Variants in ZNF141 observed in about 807,000 individuals in gnomAD.
ZNF141 encodes the protein zinc finger protein 141.
ZNF141 carries 7 observed loss-of-function variants against 11.3 expected under a neutral mutation model. That is an observed-to-expected ratio of 0.62 (90% confidence interval 0.35 to 1.16). ZNF141 has a LOEUF of 1.16. Ranked by LOEUF, ZNF141 falls within the 50% of genes most tolerant of loss-of-function variation. The pLI, the probability that ZNF141 is intolerant of heterozygous loss-of-function variation, is 0.02. For synonymous variants in ZNF141, 183 were observed against 190.7 expected, an observed-to-expected ratio of 0.96 and a Z score of 0.33; for missense variants, 535 against 554.0, an observed-to-expected ratio of 0.97 and a Z score of 0.34.
chr4:370,820 T>C (rs1406011802), intron 3 of ZNF141, among the ~76,000 whole-genome samples: 1 of 152,094 alleles, frequency 6.6e-6, no homozygotes, highest in East Asian at 1.9e-4. Context: ...AAGCTCCGCC[T>C]CCCAGGTTCA....
chr4:373,929 A>G lies in ZNF141; in HGVS notation c.*67A>G. On this transcript the variant is annotated 3_prime_UTR_variant, in exon 4 of 4. Transcript: ENST00000240499. ...TGATCCACAAACCTTAATGAACATG[A>G]GAAAATTTATACTGTAGAGAAACCC... 7.2e-7 allele frequency: 1 copy of G among 1,386,358 alleles called. No homozygotes were observed. The highest frequency in any genetic ancestry group is 1.4e-5 in the South Asian group (1 of 72,794). The allele number at this position is 1,386,358 out of a possible 1,614,324, so 85.9% of individuals were successfully genotyped here. A position where few individuals can be genotyped will look rare whatever the true frequency, so the allele number is the denominator to read the frequency against.
intron 3 of ZNF141, among the ~76,000 whole-genome samples, chr4:365,429 T>C (rs1203241840): frequency 6.6e-6 from 1 of 152,232 alleles, no homozygotes; most frequent in African/African-American, 2.4e-5. Context: ...AGTCACGCTG[T>C]GAGCTGCAAA....
intron 1 of ZNF141, among the ~76,000 whole-genome samples, chr4:341,072 CTTTTTTT>C (rs34755542): frequency 1.4e-5 from 2 of 142,844 alleles, no homozygotes; most frequent in African/African-American, 5.2e-5. Context: ...AAACATTTTT[CTTTTTTT>C]TTTTTTTGAG....
At chr4:362,247 T>C (rs1300677566) in intron 3 of ZNF141, among the ~76,000 whole-genome samples, 1 of 152,254 alleles carries the variant, frequency 6.6e-6, no homozygotes, top group Admixed American at 6.5e-5. Context: ...CTTGTAAATT[T>C]GTTTGAATTC....
Position 373,169 on chromosome 4 carries a change from G to A in ZNF141, c.732G>A (p.Lys244=), listed in dbSNP as rs781997961. 8.1e-6 allele frequency: 13 copies of A among 1,611,972 alleles called. No individual in the cohort carries two copies. The African/African-American group carries it at 1.3e-4, about 17-fold the overall frequency. The stretch of plus-strand genomic sequence containing the variant: ...TTACCACATCCTCACACTTTGCTAA[G>A]CATAAAATAATTCATACTGGAGAAA... ...SIFTTSSHFA[K]HKIIHTGEKP... is the part of the protein sequence containing the mutation. Residue 244 remains lysine (K), a synonymous_variant, in exon 4 of 4, where the codon AAG becomes AAA. Transcript: ENST00000240499.
rs145598495 is a variant in ZNF141, at chr4:364,920, A to C, written c.227-7744A>C. Among the ~76,000 whole-genome samples, 790 of 152,342 alleles carry C rather than the reference A, an allele frequency of 5.2e-3. 5 individuals carry two copies. The highest frequency in any genetic ancestry group is 0.018 in the African/African-American group (746 of 41,578). On this transcript the variant is annotated intron_variant, in intron 3 of 3. Coordinates refer to ENST00000240499, the MANE Select transcript of ZNF141 (RefSeq NM_003441.4). ...AGTTTCTGCTGCCTTTTGTTCAGCT[A>C]TGCCCTCCCCCCAGAGGTGGAATCT...
At chr4:367,873 G>A (rs1348962698) in intron 3 of ZNF141, among the ~76,000 whole-genome samples, 3 of 152,048 alleles carry the variant, frequency 2.0e-5, no homozygotes, top group African/African-American at 2.4e-5. Context: ...TGGGGTACAC[G>A]TGCAGAACAT....
chr4:371,520 A>G (rs980138545), intron 3 of ZNF141, among the ~76,000 whole-genome samples: 6 of 149,014 alleles, frequency 4.0e-5, no homozygotes, highest in Admixed American at 2.0e-4. Flanking sequence ...ATGAGCCACC[A>G]TGCCTCACCT....
In ZNF141 at chr4:373,457, A is replaced by C. The variant is rs1553853979; in HGVS notation, c.1020A>C (p.Thr340=). The C allele has an allele frequency of 6.2e-7, 1 of 1,613,966 alleles. No homozygotes were observed. Among genetic ancestry groups the C allele is most frequent in the East Asian group, 2.2e-5 (1 of 44,860 alleles). The change falls in exon 4 of 4, where the codon ACA becomes ACC. Residue 340 remains threonine, a synonymous_variant. Transcript: ENST00000240499. Reference sequence around the variant, plus strand: ...TTCATACTGGAGAGAAACCCTACACATGTGAAGAATGTGGCAAAGCTTTTA... The same window carrying C: ...TTCATACTGGAGAGAAACCCTACACCTGTGAAGAATGTGGCAAAGCTTTTA... ...KRIHTGEKPY[T]CEECGKAFRQ...
Position 381,400 on chromosome 4 carries a change from C to CTTTTTTTTTTT in ZNF141, c.*7554_*7564dup, listed in dbSNP as rs34721227. 1.8e-4 allele frequency among the ~76,000 whole-genome samples: 14 copies of CTTTTTTTTTTT among 76,946 alleles called. No homozygotes were observed. Among genetic ancestry groups the CTTTTTTTTTTT allele is most frequent in the African/African-American group, 8.5e-4 (14 of 16,448 alleles). 50.5% of individuals were successfully genotyped at this position (76,946 alleles called of 152,430 possible). A position where few individuals can be genotyped will look rare whatever the true frequency, so the allele number is the denominator to read the frequency against. On this transcript the variant is annotated 3_prime_UTR_variant, in exon 4 of 4. Transcript: ENST00000240499. The stretch of plus-strand genomic sequence containing the variant: ...CTATTTAATACAGACTTCAAATGTG[C>CTTTTTTTTTTT]TTTTTTTTTTTTTTTTTTTTTTTTT...
chr4:358,340 C>T (rs1553851575), intron 3 of ZNF141: 5 of 340,622 alleles, frequency 1.5e-5, no homozygotes, highest in South Asian at 1.1e-4. Flanking sequence ...CATGAGCCAC[C>T]ACACCTGGCT....
At position 372,682 on chromosome 4, in the gene ZNF141, C is replaced by T. The variant is rs782646555; in HGVS notation, c.245C>T (p.Thr82Ile). The T allele has an allele frequency of 3.2e-6, 5 of 1,543,154 alleles. No individual in the cohort carries two copies. Among genetic ancestry groups the T allele is most frequent in the Non-Finnish European group, 4.4e-6 (5 of 1,144,368 alleles). The part of the protein sequence containing the change: ...ARPPAMCSHF[T>I]QDHWPVQGIE... The stretch of plus-strand genomic sequence containing the variant: ...CTTTCAGCTATGTGTTCTCATTTCA[C>T]CCAAGACCATTGGCCAGTGCAGGGC... The change falls in exon 4 of 4, where the codon ACC (threonine) becomes ATC (isoleucine). Residue 82 changes from threonine to isoleucine, a missense_variant. Coordinates refer to ENST00000240499, the MANE Select transcript of ZNF141 (RefSeq NM_003441.4).
intron 3 of ZNF141, chr4:358,668 C>T (rs1194561325): frequency 6.5e-6 from 1 of 152,986 alleles, no homozygotes; most frequent in African/African-American, 2.4e-5. Context: ...ACCTCCGCCT[C>T]CCGGGTTCAA....
At position 373,282 on chromosome 4, in the gene ZNF141, C is replaced by G; in HGVS notation, c.845C>G (p.Pro282Arg). The G allele has an allele frequency of 6.2e-7, 1 of 1,613,840 alleles. No homozygotes were observed. The highest frequency in any genetic ancestry group is 8.5e-7 in the Non-Finnish European group (1 of 1,179,962). ...KHKRIHAGEK[P>R]ITCEECRKIF... is the part of the protein sequence containing the mutation. ...AAGAGAATTCATGCTGGAGAGAAAC[C>G]CATCACATGTGAAGAATGTAGGAAA... Residue 282 changes from proline to arginine, a missense_variant, in exon 4 of 4, where the codon CCC becomes CGC. By Grantham distance (103) the Pro-to-Arg change is moderately radical. Coordinates refer to ENST00000240499, the MANE Select transcript of ZNF141 (RefSeq NM_003441.4).
At chr4:355,766 T>C (rs988308847) in intron 3 of ZNF141, among the ~76,000 whole-genome samples, 4 of 152,176 alleles carry the variant, frequency 2.6e-5, no homozygotes, top group Non-Finnish European at 4.4e-5. Context: ...AATAGAAGTT[T>C]ACTTAGCTCA....
chr4:362,968 C>T (rs1425606583), intron 3 of ZNF141, among the ~76,000 whole-genome samples: 1 of 152,164 alleles, frequency 6.6e-6, no homozygotes, highest in Non-Finnish European at 1.5e-5. Flanking sequence ...TTACCTTGGG[C>T]AGTATGGCCA....
chr4:368,244 A>T (rs927952613), intron 3 of ZNF141, among the ~76,000 whole-genome samples: 39 of 149,818 alleles, frequency 2.6e-4, no homozygotes, highest in African/African-American at 8.6e-4. Context: ...TTTTTAAAGG[A>T]TTTTTTTTTT....
At chr4:341,072 CTTTTTT>C (rs34755542) in intron 1 of ZNF141, among the ~76,000 whole-genome samples, 1 of 142,844 alleles carries the variant, frequency 7.0e-6, no homozygotes, top group Admixed American at 7.0e-5. Context: ...AAACATTTTT[CTTTTTT>C]TTTTTTTTGA....
At position 373,653 on chromosome 4, in the gene ZNF141, C is replaced by G; in HGVS notation, c.1216C>G (p.Arg406Gly). 1 of 1,613,948 alleles carries G rather than the reference C, an allele frequency of 6.2e-7. No individual in the cohort carries two copies. Residue 406 changes from arginine to glycine, a missense_variant, in exon 4 of 4, where the codon CGG becomes GGG. Coordinates refer to ENST00000240499, the MANE Select transcript of ZNF141 (RefSeq NM_003441.4). Reference protein sequence around the residue: ...KCEECGKAFRRSTDRSQHKKI... With the variant: ...KCEECGKAFRGSTDRSQHKKI... The stretch of plus-strand genomic sequence containing the variant: ...TGAAGAATGTGGCAAAGCCTTTAGA[C>G]GGTCCACAGATCGGAGTCAACATAA...
Sources: allele counts gnomAD v4.1 joint callset (sites outside exome capture counted in the v4.1 genomes callset), GRCh38; gene constraint gnomAD v4.1.1; transcripts MANE v1.5; gene names NCBI Gene and HGNC (gene_info 2026-07-23, HGNC 2026-07-21).